CENPM: variants seen among roughly 807,000 people sequenced by gnomAD.
CENPM encodes the protein centromere protein M.
Under a neutral mutation model 19.6 loss-of-function variants are expected in CENPM, and 14 were observed. That is an observed-to-expected ratio of 0.71 (90% CI 0.47 to 1.11). The LOEUF is 1.11. Ranked by LOEUF, CENPM falls within the 50% of genes most tolerant of loss-of-function variation. The probability of loss-of-function intolerance (pLI) is 0.00; values close to 1 mark genes in which losing one functional copy is unlikely to be tolerated. For synonymous variants in CENPM, 114 were observed against 101.5 expected, an observed-to-expected ratio of 1.12 and a Z score of -0.74; for missense variants, 239 against 228.4, an observed-to-expected ratio of 1.05 and a Z score of -0.30.
At chr22:41,929,719 G>C in the CENPM span, among the ~76,000 whole-genome samples, 12 of 151,918 alleles carry the variant, frequency 7.9e-5, no homozygotes, top group South Asian at 6.3e-4. Context: ...GCCAGGTGCC[G>C]GGACAAAAGG....
intron 4 of CENPM, chr22:41,944,978 T>C: frequency 7.4e-7 from 1 of 1,356,152 alleles, no homozygotes; most frequent in Non-Finnish European, 9.6e-7. Context: ...GCAGATTTGT[T>C]ATGTAGTTAA....
chr22:41,942,128 G>A (rs1185969086), intron 5 of CENPM, among the ~76,000 whole-genome samples: 1 of 152,210 alleles, frequency 6.6e-6, no homozygotes, highest in East Asian at 1.9e-4. Flanking sequence ...ACCCAGAACA[G>A]AGCAGAAACA....
chr22:41,941,301 A>G (rs1161325233), intron 5 of CENPM, among the ~76,000 whole-genome samples: 11 of 152,264 alleles, frequency 7.2e-5, no homozygotes, highest in African/African-American at 2.7e-4. Flanking sequence ...AGCATGAAGA[A>G]GGAGGCCAGT....
chr22:41,946,334 T>G (rs2077801549), intron 2 of CENPM, 83 bp downstream of exon 2: 9 of 1,200,304 alleles, frequency 7.5e-6, no homozygotes, highest in Non-Finnish European at 1.1e-5. Context: ...GAGGGGGCGC[T>G]GGGCTTCGGA....
At chr22:41,940,093 C>T (rs749463342) in intron 5 of CENPM, 32 of 738,856 alleles carry the variant, frequency 4.3e-5, no homozygotes, top group Non-Finnish European at 6.8e-5. Flanking sequence ...CACCCCAACC[C>T]GCCCTTTGCT....
chr22:41,930,099 A>G, the CENPM span, among the ~76,000 whole-genome samples: 4 of 151,352 alleles, frequency 2.6e-5, no homozygotes, highest in Non-Finnish European at 5.9e-5. Flanking sequence ...GCCCGCCACC[A>G]TGCCCGGCAA....
downstream of CENPM, among the ~76,000 whole-genome samples, chr22:41,935,741 C>T (rs1016497505): frequency 6.6e-6 from 1 of 152,212 alleles, no homozygotes; most frequent in Non-Finnish European, 1.5e-5. Context: ...CCTGCCCTCT[C>T]GCGATGCTGT....
In CENPM at chr22:41,945,900, C is replaced by G; in HGVS notation, c.230+13G>C. On this transcript the variant is annotated intron_variant, in intron 3 of 5. Coordinates refer to ENST00000215980, the MANE Select transcript of CENPM (RefSeq NM_024053.5). ...CTGCCTGAGCCCTGACTGCCCCTTCCTCTGGCTCTCACCTGTATTTGCTGT... is the reference window on the plus strand; with the variant it reads ...CTGCCTGAGCCCTGACTGCCCCTTCGTCTGGCTCTCACCTGTATTTGCTGT... 6.2e-7 allele frequency: 1 copy of G among 1,609,638 alleles called. No individual in the cohort carries two copies. Among genetic ancestry groups the G allele is most frequent in the Non-Finnish European group, 8.5e-7 (1 of 1,176,708 alleles).
Position 41,945,989 on chromosome 22 carries a change from G to A in CENPM, c.154C>T (p.Leu52Phe), listed in dbSNP as rs868213442. The A allele has an allele frequency of 3.1e-6, 5 of 1,613,720 alleles. No homozygotes were observed. In the African/African-American group the frequency reaches 4.0e-5, roughly 13 times the overall value. The stretch of plus-strand genomic sequence containing the variant: ...CGATTCACACTGGAGGGCAAAGGGA[G>A]GGACTTTGCCAAGTGGCTGAAAAAC... ...SELKVHLAKSLPLPSSVNRPR... is the reference protein window; with the variant it reads ...SELKVHLAKSFPLPSSVNRPR... Residue 52 changes from leucine (L) to phenylalanine (F), a missense_variant, in exon 3 of 6, where the codon CTC (leucine) becomes TTC (phenylalanine). Transcript: ENST00000215980.
chr22:41,934,409 C>T (rs2077675726), downstream of CENPM, among the ~76,000 whole-genome samples: 1 of 152,166 alleles, frequency 6.6e-6, no homozygotes, highest in African/African-American at 2.4e-5. Flanking sequence ...CACCACCTTC[C>T]TTCCAGCTTA....
At position 41,946,353 on chromosome 22, in the gene CENPM, G is replaced by A. The variant is rs533259485; in HGVS notation, c.137+64C>T. 2.3e-5 allele frequency: 32 copies of A among 1,395,212 alleles called. No individual in the cohort carries two copies. In the African/African-American group the frequency reaches 4.2e-4, roughly 18 times the overall value. The allele number at this position is 1,395,212 out of a possible 1,614,324, so 86.4% of individuals were successfully genotyped here. A position where few individuals can be genotyped will look rare whatever the true frequency, so the allele number is the denominator to read the frequency against. On this transcript the variant is annotated intron_variant, in intron 2 of 5. Coordinates refer to ENST00000215980, the MANE Select transcript of CENPM (RefSeq NM_024053.5). Reference sequence around the variant, plus strand: ...GGGCGCTGGGCTTCGGAGTTTAGCAGCTAGGACCGAATCCCTCTGGAGTGA... The same window carrying A: ...GGGCGCTGGGCTTCGGAGTTTAGCAACTAGGACCGAATCCCTCTGGAGTGA...
intron 5 of CENPM, chr22:41,940,104 A>T (rs981174419): frequency 1.3e-6 from 1 of 752,750 alleles, no homozygotes; most frequent in Admixed American, 1.8e-5. Flanking sequence ...GCCCTTTGCT[A>T]TTGTGCTGCA....
chr22:41,931,686 C>A, the CENPM span, among the ~76,000 whole-genome samples: 2 of 152,180 alleles, frequency 1.3e-5, no homozygotes, highest in African/African-American at 2.4e-5. Flanking sequence ...ATGGGAGGGG[C>A]CTGCAGGGGG....
intron 5 of CENPM, 105 bp from the exon 6 acceptor site, chr22:41,939,301 G>C (rs977830220): frequency 6.4e-6 from 9 of 1,402,384 alleles, no homozygotes; most frequent in Non-Finnish European, 8.5e-6. Flanking sequence ...CGGATACTTG[G>C]GGGTAGCTCA....
chr22:41,943,574 G>A (rs777040849), intron 5 of CENPM, 36 bp downstream of exon 5: 17 of 1,573,888 alleles, frequency 1.1e-5, no homozygotes, highest in African/African-American at 1.4e-5. Context: ...CCCCGCACCC[G>A]AGTATAGTGT....
At chr22:41,931,314 TA>T in the CENPM span, among the ~76,000 whole-genome samples, 4,071 of 140,320 alleles carry the variant, frequency 0.029, 80 homozygotes, top group African/African-American at 0.055. Context: ...ATAAGAAATT[TA>T]AAAAAAAAAA....
At chr22:41,934,986 G>A (rs142792971), downstream of CENPM, among the ~76,000 whole-genome samples, 9 of 152,342 alleles carry the variant, frequency 5.9e-5, no homozygotes, top group Middle Eastern at 3.4e-3. Context: ...CCCATCCCCC[G>A]CCTTCCAGGG....
downstream of CENPM, among the ~76,000 whole-genome samples, chr22:41,937,422 A>G (rs936082438): frequency 1.3e-5 from 2 of 152,098 alleles, no homozygotes; most frequent in Non-Finnish European, 2.9e-5. Context: ...CAGCCTCCCA[A>G]GTAGCTGGGA....
intron 4 of CENPM, among the ~76,000 whole-genome samples, chr22:41,944,435 C>CAA (rs139232803): frequency 0.24 from 16,440 of 69,938 alleles, 1,581 homozygotes; most frequent in Admixed American, 0.38. Context: ...GACTCCGTCT[C>CAA]AAAAAAAAAA....
Sources: gnomAD v4.1 joint callset for allele counts (sites outside exome capture counted in the v4.1 genomes callset) on GRCh38, gnomAD v4.1.1 for gene constraint, MANE v1.5 for transcripts, NCBI Gene and HGNC (gene_info 2026-07-23, HGNC 2026-07-21) for gene names.